The following ZRANB2 variants were observed in gnomAD, a reference collection of about 807,000 sequenced individuals.
ZRANB2 encodes the protein zinc finger Ran-binding domain-containing protein 2.
In ZRANB2, 19 loss-of-function variants were observed where a neutral mutation model predicts 53.4. The ratio of observed to expected loss-of-function variants is 0.36; its 90% confidence interval spans 0.25 to 0.52. The LOEUF is 0.52. ZRANB2 is among the 20% of genes least tolerant of loss of function. ZRANB2 has a pLI of 0.93. For synonymous variants in ZRANB2, 145 were observed against 134.8 expected, an observed-to-expected ratio of 1.08 and a Z score of -0.52; for missense variants, 309 against 401.1, an observed-to-expected ratio of 0.77 and a Z score of 1.96.
intron 4 of ZRANB2, among the ~76,000 whole-genome samples, chr1:71,073,094 G>A (rs1456187730): frequency 1.3e-5 from 2 of 152,004 alleles, no homozygotes; most frequent in African/African-American, 4.8e-5. Flanking sequence ...TTAACACATA[G>A]GTAAAAGTCA....
chr1:71,070,473 T>A (rs976461877), intron 7 of ZRANB2, among the ~76,000 whole-genome samples: 2 of 152,150 alleles, frequency 1.3e-5, no homozygotes, highest in Non-Finnish European at 2.9e-5. Flanking sequence ...GCCTTTAACA[T>A]CTTGAATGAA....
chr1:71,066,004 T>C, intron 9 of ZRANB2: 1 of 355,904 alleles, frequency 2.8e-6, no homozygotes, highest in Non-Finnish European at 5.0e-6. Context: ...GAGATAATCC[T>C]ACCACTGAAC....
chr1:71,066,013 A>C, intron 9 of ZRANB2: 1 of 314,492 alleles, frequency 3.2e-6, no homozygotes. Context: ...CTACCACTGA[A>C]CCCAGCAATT....
At chr1:71,067,315 T>G (rs1413615741) in intron 8 of ZRANB2, 1 of 182,812 alleles carries the variant, frequency 5.5e-6, no homozygotes, top group East Asian at 1.8e-4. Context: ...GATTAAAATA[T>G]GTATCTTATA....
chr1:71,075,940 A>G (rs1372083966), intron 4 of ZRANB2, among the ~76,000 whole-genome samples: 2 of 152,128 alleles, frequency 1.3e-5, no homozygotes, highest in Admixed American at 1.3e-4. Flanking sequence ...TTTCTGTTGA[A>G]GTCTGGAAGA....
chr1:71,068,527 T>A (rs2101043105), intron 8 of ZRANB2, among the ~76,000 whole-genome samples: 1 of 152,186 alleles, frequency 6.6e-6, no homozygotes, highest in African/African-American at 2.4e-5. Flanking sequence ...GACCACATCC[T>A]ATCTCAACTA....
In ZRANB2 at chr1:71,070,972, G is replaced by T; in HGVS notation, c.538C>A (p.Leu180Ile). 1 of 1,594,660 alleles carries T rather than the reference G, an allele frequency of 6.3e-7. No homozygotes were observed. ...DEDEDEDDAD[L>I]SKYNLDASEE... The stretch of plus-strand genomic sequence containing the variant: ...CTGGCATCAAGATTATATTTTGAGA[G>T]ATCAGCGTCATCTTCATCCTCATCC... The change falls in exon 7 of 10, where the codon CTC becomes ATC. Residue 180 changes from leucine (L) to isoleucine (I), a missense_variant. Transcript: ENST00000370920.
chr1:71,080,858 T>A (rs893427560), intron 1 of ZRANB2, 82 bp downstream of exon 1: 6 of 1,545,052 alleles, frequency 3.9e-6, no homozygotes, highest in Non-Finnish European at 5.4e-6. Context: ...CAGAAAATCA[T>A]AAAAAAGGAA....
At position 71,078,626 on chromosome 1, in the gene ZRANB2, G is replaced by A. The variant is rs909051028; in HGVS notation, c.109+30C>T. On this transcript the variant is annotated intron_variant, in intron 2 of 9. Coordinates refer to ENST00000370920, the MANE Select transcript of ZRANB2 (RefSeq NM_203350.3). Reference sequence around the variant, plus strand: ...GAAATAAATAAATGATACATATACAGTATAAATAGAATCTTCTTTAAATAC... The same window carrying A: ...GAAATAAATAAATGATACATATACAATATAAATAGAATCTTCTTTAAATAC... 1.9e-6 allele frequency: 3 copies of A among 1,609,476 alleles called. No individual in the cohort carries two copies. The African/African-American group carries it at 4.0e-5, about 22-fold the overall frequency.
chr1:71,070,533 GATTA>G lies in ZRANB2; in HGVS notation c.683+290_683+293del, dbSNP rs1264348696. Among the ~76,000 whole-genome samples the G allele has an allele frequency of 2.4e-4, 36 of 151,970 alleles. 1 individual carries two copies. Among genetic ancestry groups the G allele is most frequent in the Non-Finnish European group, 2.9e-5 (2 of 67,976 alleles). ...TTTCTATATGTAAGCTATCTCTTTA[GATTA>G]ATTAAATATAAGTGTATATAAAAAT... On this transcript the variant is annotated intron_variant, in intron 7 of 9. Transcript: ENST00000370920.
chr1:71,076,828 T>A lies in ZRANB2; in HGVS notation c.268A>T (p.Thr90Ser). 1.2e-6 allele frequency: 2 copies of A among 1,612,196 alleles called. No individual in the cohort carries two copies. The highest frequency in any genetic ancestry group is 1.7e-6 in the Non-Finnish European group (2 of 1,179,342). Residue 90 changes from threonine to serine, a missense_variant, in exon 4 of 10, where the codon ACT becomes TCT. Transcript: ENST00000370920. ...TCTTCTAATTTAGCATACTTTGGAG[T>A]ATTACACATATTACACTCTGATCTT... Reference protein sequence around the residue: ...ARRSECNMCNTPKYAKLEERT... With the variant: ...ARRSECNMCNSPKYAKLEERT...
intron 3 of ZRANB2, among the ~76,000 whole-genome samples, chr1:71,077,254 ATTTCAGAT>A (rs1661730102): frequency 6.6e-6 from 1 of 152,172 alleles, no homozygotes; most frequent in African/African-American, 2.4e-5. Flanking sequence ...TCACAGGAGC[ATTTCAGAT>A]TTTCAGATTA....
intron 9 of ZRANB2, chr1:71,065,759 G>C: frequency 6.2e-7 from 1 of 1,612,364 alleles, no homozygotes; most frequent in Non-Finnish European, 8.5e-7. Context: ...CTGGCTTATG[G>C]AATAGAGAAC....
At chr1:71,078,308 T>C (rs897164164) in intron 3 of ZRANB2, 149 bp downstream of exon 3, 8 of 655,852 alleles carry the variant, frequency 1.2e-5, no homozygotes, top group African/African-American at 1.1e-4. Flanking sequence ...CTTTATACTA[T>C]ACTTAAAGAT....
chr1:71,072,354 A>G, intron 5 of ZRANB2, 99 bp from the exon 6 acceptor site: 1 of 1,449,616 alleles, frequency 6.9e-7, no homozygotes, highest in Non-Finnish European at 9.4e-7. Context: ...TTTCCTGAAA[A>G]TGATCAGTTG....
chr1:71,070,632 A>G (rs576825410), intron 7 of ZRANB2, among the ~76,000 whole-genome samples, 195 bp downstream of exon 7: 11 of 152,308 alleles, frequency 7.2e-5, no homozygotes, highest in Admixed American at 6.5e-4. Context: ...GTTTCATGCT[A>G]AGACTTTACT....
chr1:71,071,042 C>T, intron 6 of ZRANB2, 46 bp from the exon 7 acceptor site: 2 of 1,462,016 alleles, frequency 1.4e-6, no homozygotes, highest in South Asian at 1.5e-5. Context: ...ATTAGTGTTA[C>T]CTACCAGGAA....
intron 3 of ZRANB2, among the ~76,000 whole-genome samples, chr1:71,077,769 T>C (rs1661740033): frequency 1.3e-5 from 2 of 152,262 alleles, no homozygotes; most frequent in East Asian, 1.9e-4. Context: ...AGTGAGAGGA[T>C]TGCTTGAGCC....
rs1661375976 is a variant in ZRANB2, at chr1:71,064,478, G to A, written c.*596C>T. ...ACTTCTCTCCTTGTAGACATCACAA[G>A]ATTCTTTTGCATTAAATGTGGAGCA... is the stretch of plus-strand genomic sequence containing the variant. On this transcript the variant is annotated 3_prime_UTR_variant, in exon 10 of 10. Transcript: ENST00000370920. 6.6e-6 allele frequency: 1 copy of A among 152,456 alleles called. No individual in the cohort carries two copies. The highest frequency in any genetic ancestry group is 2.1e-4 in the South Asian group (1 of 4,834). The allele number at this position is 152,456 out of a possible 1,614,324, so 9.4% of individuals were successfully genotyped here. A position where few individuals can be genotyped will look rare whatever the true frequency, so the allele number is the denominator to read the frequency against.
Sources: gnomAD v4.1 joint callset for allele counts (sites outside exome capture counted in the v4.1 genomes callset) on GRCh38, gnomAD v4.1.1 for gene constraint, MANE v1.5 for transcripts, NCBI Gene and HGNC (gene_info 2026-07-23, HGNC 2026-07-21) for gene names.